KANK4: variants seen among roughly 807,000 people sequenced by gnomAD.
KANK4 encodes KN motif and ankyrin repeat domains 4.
A neutral mutation model predicts 80.8 loss-of-function variants in KANK4; 50 were observed. The observed-to-expected ratio is 0.62, with a 90% CI of 0.49 to 0.78. The LOEUF (loss-of-function observed/expected upper bound fraction) is 0.78, where lower values mean the gene tolerates loss of function less well. Among genes scored for constraint, KANK4 ranks in the 30% least tolerant of loss-of-function variants. KANK4 has a pLI of 0.00. For missense variants in KANK4, 1,196 were observed against 1,240.1 expected (o/e 0.96, Z 0.53); for synonymous variants, 465 against 506.9 (o/e 0.92, Z 1.11).
chr1:62,253,288 C>A, intron 7 of KANK4, 79 bp from the exon 8 acceptor site: 2 of 1,389,302 alleles, frequency 1.4e-6, no homozygotes, highest in Non-Finnish European at 1.9e-6. Context: ...TTCAATGGGA[C>A]ACTGCTCGCT....
intron 4 of KANK4, among the ~76,000 whole-genome samples, chr1:62,270,219 G>A (rs147294866): frequency 0.012 from 1,840 of 152,234 alleles, 35 homozygotes; most frequent in Middle Eastern, 0.068. Context: ...CATTGGGGGC[G>A]TTTCAGCTGG....
intron 1 of KANK4, among the ~76,000 whole-genome samples, chr1:62,295,696 C>T (rs896030687): frequency 2.0e-5 from 3 of 152,202 alleles, no homozygotes; most frequent in Non-Finnish European, 4.4e-5. Flanking sequence ...AGACTCCTAA[C>T]CCAGTGCTTT....
rs34488630 is a variant in KANK4 at position 62,253,409 on chromosome 1, CT to C, written c.2540-201del. ...TTTCTTTTCTTTTTTTTCTTTCTTT[CT>C]TTTTTTTTTTTTTTTTTGAGACAGA... On this transcript the variant is annotated intron_variant, in intron 7 of 9. Transcript: ENST00000371153. Among the ~76,000 whole-genome samples the C allele has an allele frequency of 2.2e-3, 243 of 110,950 alleles. 1 individual carries two copies. The highest frequency in any genetic ancestry group is 0.01 in the Middle Eastern group (2 of 194). 72.8% of individuals were successfully genotyped at this position (110,950 alleles called of 152,430 possible). A position where few individuals can be genotyped will look rare whatever the true frequency, so the allele number is the denominator to read the frequency against.
chr1:62,307,635 G>A (rs930569176), intron 1 of KANK4, among the ~76,000 whole-genome samples: 1 of 152,078 alleles, frequency 6.6e-6, no homozygotes, highest in Non-Finnish European at 1.5e-5. Flanking sequence ...GTAAGCTTAT[G>A]GCAGAGATTT....
chr1:62,304,393 C>G (rs770991517), intron 1 of KANK4, among the ~76,000 whole-genome samples: 4 of 151,914 alleles, frequency 2.6e-5, no homozygotes, highest in Non-Finnish European at 5.9e-5. Context: ...TGATGTGCCA[C>G]TGATGGGGGC....
chr1:62,271,638 G>A, intron 3 of KANK4, 49 bp from the exon 4 acceptor site: 2 of 1,378,472 alleles, frequency 1.5e-6, no homozygotes, highest in Non-Finnish European at 2.1e-6. Context: ...GGATGCATGG[G>A]AATGTAGCAA....
chr1:62,290,561 C>T (rs997177310), intron 1 of KANK4, among the ~76,000 whole-genome samples: 19 of 152,208 alleles, frequency 1.2e-4, no homozygotes, highest in Non-Finnish European at 4.4e-5. Context: ...ACACTCAATA[C>T]ATTTGGCTAT....
At chr1:62,267,329 A>G (rs1475877311) in intron 5 of KANK4, among the ~76,000 whole-genome samples, 1 of 152,154 alleles carries the variant, frequency 6.6e-6, no homozygotes, top group Non-Finnish European at 1.5e-5. Flanking sequence ...GTCCACAGTG[A>G]CAAGCACTCT....
At chr1:62,265,128 G>C (rs1217126107) in intron 6 of KANK4, among the ~76,000 whole-genome samples, 1 of 152,190 alleles carries the variant, frequency 6.6e-6, no homozygotes. Flanking sequence ...ACTGCGACCG[G>C]TCGAGTGGTG....
At chr1:62,284,633 T>TA (rs1672522085) in intron 1 of KANK4, among the ~76,000 whole-genome samples, 1 of 152,208 alleles carries the variant, frequency 6.6e-6, no homozygotes, top group Admixed American at 6.5e-5. Context: ...AGCCATTTCT[T>TA]ACCCATTCTG....
At chr1:62,289,120 A>G (rs2765260) in intron 1 of KANK4, among the ~76,000 whole-genome samples, 98,366 of 152,000 alleles carry the variant, frequency 0.65, 32,918 homozygotes, top group African/African-American at 0.81. Context: ...CTGAAGACAT[A>G]GGTTTTAGTT....
intron 2 of KANK4, among the ~76,000 whole-genome samples, chr1:62,279,725 G>A (rs1191499191): frequency 6.6e-6 from 1 of 152,230 alleles, no homozygotes; most frequent in African/African-American, 2.4e-5. Context: ...AGGATGGGCT[G>A]GTTCTGAATG....
At chr1:62,277,024 C>T (rs1672330384) in intron 2 of KANK4, among the ~76,000 whole-genome samples, 1 of 152,198 alleles carries the variant, frequency 6.6e-6, no homozygotes, top group Non-Finnish European at 1.5e-5. Context: ...ATTCAATTCA[C>T]TTACCTCAAC....
chr1:62,252,751 CA>C (rs964302682), intron 8 of KANK4, among the ~76,000 whole-genome samples: 42 of 152,356 alleles, frequency 2.8e-4, no homozygotes, highest in African/African-American at 1.0e-3. Context: ...AGCCAACTAG[CA>C]AATGCCTTCT....
At chr1:62,284,847 A>C (rs1328860740) in intron 1 of KANK4, among the ~76,000 whole-genome samples, 2 of 152,156 alleles carry the variant, frequency 1.3e-5, no homozygotes, top group Non-Finnish European at 2.9e-5. Flanking sequence ...TAAGCTTGTG[A>C]AGGTCAGAAT....
At chr1:62,298,694 A>C (rs1193094455) in intron 1 of KANK4, among the ~76,000 whole-genome samples, 1 of 152,184 alleles carries the variant, frequency 6.6e-6, no homozygotes, top group African/African-American at 2.4e-5. Context: ...CCACTGTATA[A>C]GGCTGTTCTG....
intron 9 of KANK4, among the ~76,000 whole-genome samples, chr1:62,238,758 T>C (rs1671270389): frequency 6.6e-6 from 1 of 151,708 alleles, no homozygotes; most frequent in Admixed American, 6.6e-5. Flanking sequence ...GCCTCCCAAG[T>C]AGCTGGGATT....
intron 2 of KANK4, among the ~76,000 whole-genome samples, chr1:62,275,444 G>T (rs1462282418): frequency 6.6e-6 from 1 of 152,166 alleles, no homozygotes; most frequent in East Asian, 1.9e-4. Flanking sequence ...CACTGAAGTA[G>T]CCAGGAATTT....
In KANK4 at chr1:62,273,762, G is replaced by A. The variant is rs370065609; in HGVS notation, c.1342C>T (p.Arg448Ter). 1.7e-5 allele frequency: 28 copies of A among 1,614,004 alleles called. No individual in the cohort carries two copies. Among genetic ancestry groups the A allele is most frequent in the African/African-American group, 1.2e-4 (9 of 74,994 alleles). ...CATAGGAGGCCATTCTCCTCTCCTCGGTGCCCCCAGCTTTCAGACTCCATG... is the reference window on the plus strand; with the variant it reads ...CATAGGAGGCCATTCTCCTCTCCTCAGTGCCCCCAGCTTTCAGACTCCATG... The part of the protein sequence containing the change: ...GSMESESWGH[R>*]GEENGLLWGP... Residue 448 changes from arginine to a stop codon, truncating the protein, a stop_gained, in exon 3 of 10, where the codon CGA (arginine) becomes TGA (stop). Transcript: ENST00000371153. LOFTEE classifies it high-confidence loss of function.
Sources: gnomAD v4.1 joint callset for allele counts (sites outside exome capture counted in the v4.1 genomes callset) on GRCh38, gnomAD v4.1.1 for gene constraint, MANE v1.5 for transcripts, NCBI Gene and HGNC (gene_info 2026-07-23, HGNC 2026-07-21) for gene names.